The following RILPL2 variants were observed in gnomAD, a reference collection of about 807,000 sequenced individuals.
RILPL2 encodes the protein RILP-like protein 2.
In RILPL2, 19 loss-of-function variants were observed where a neutral mutation model predicts 22.2. The observed-to-expected ratio is 0.86, with a 90% CI of 0.60 to 1.25. The LOEUF (loss-of-function observed/expected upper bound fraction) is 1.25, where lower values mean the gene tolerates loss of function less well. RILPL2 is among the 50% of genes most tolerant of loss of function. RILPL2 has a pLI of 0.00. For missense variants in RILPL2, 243 were observed against 263.6 expected, an observed-to-expected ratio of 0.92 and a Z score of 0.54; for synonymous variants, 123 against 111.6, an observed-to-expected ratio of 1.10 and a Z score of -0.64.
intron 1 of RILPL2, among the ~76,000 whole-genome samples, chr12:123,431,471 T>C (rs1879647490): frequency 6.6e-6 from 1 of 151,948 alleles, no homozygotes; most frequent in Non-Finnish European, 1.5e-5. Flanking sequence ...TGGAGACGGA[T>C]GGTGGTGATG....
rs769313653 is a variant in RILPL2, at chr12:123,415,913, A to G, written c.614T>C (p.Phe205Ser). The G allele has an allele frequency of 6.2e-6, 10 of 1,614,144 alleles. No homozygotes were observed. The South Asian group carries it at 1.1e-4, about 18-fold the overall frequency. Residue 205 changes from phenylalanine (F) to serine (S), a missense_variant, in exon 4 of 4, where the codon TTT becomes TCT. Phe to Ser is a radical substitution (Grantham distance 155). Transcript: ENST00000280571. ...GATCTAGGTCTGTTTCCCCGATCGA[A>G]AAAAGAACCTGGTGTGGAGAGAGAG... ...EKTIIKKLFF[F>S]RSGKQT
At chr12:123,423,001 G>A in intron 3 of RILPL2, 43 bp downstream of exon 3, 3 of 1,402,862 alleles carry the variant, frequency 2.1e-6, no homozygotes, top group South Asian at 1.2e-5. Context: ...ACTTCCTTGA[G>A]TTATTATTTG....
the RILPL2 span, among the ~76,000 whole-genome samples, chr12:123,409,638 C>T: frequency 3.3e-5 from 5 of 151,128 alleles, no homozygotes; most frequent in African/African-American, 1.2e-4. Context: ...CAACCTCCAC[C>T]TCCTTGGTTC....
intron 3 of RILPL2, among the ~76,000 whole-genome samples, chr12:123,421,370 T>C (rs187790305): frequency 1.3e-4 from 20 of 152,228 alleles, no homozygotes; most frequent in Middle Eastern, 3.4e-3. Context: ...TGGGGAATTA[T>C]CTTTCCCTTT....
At chr12:123,409,385 TTGAC>T in the RILPL2 span, 4 of 152,548 alleles carry the variant, frequency 2.6e-5, no homozygotes, top group Admixed American at 1.3e-4. Context: ...TTTTTACAAT[TTGAC>T]TGTGTCACAC....
downstream of RILPL2, chr12:123,412,760 A>G (rs996047700): frequency 6.6e-6 from 1 of 152,232 alleles, no homozygotes; most frequent in African/African-American, 2.4e-5. Context: ...CGAGGCATAC[A>G]GTAAATTATT....
At position 123,423,056 on chromosome 12, in the gene RILPL2, A is replaced by AT; in HGVS notation, c.592dup (p.Ile198AsnfsTer26). On this transcript the variant is annotated frameshift_variant, in exon 3 of 4. Coordinates refer to ENST00000280571, the MANE Select transcript of RILPL2 (RefSeq NM_145058.3). LOFTEE classifies it high-confidence loss of function. ...AGGTGACACTTACAGCTTTTTTATG[A>AT]TTGTCTTCTCCTCCTTGTTCCTGCC... 1 of 1,611,262 alleles carries AT rather than the reference A, an allele frequency of 6.2e-7. No individual in the cohort carries two copies. Among genetic ancestry groups the AT allele is most frequent in the Non-Finnish European group, 8.5e-7 (1 of 1,178,408 alleles).
chr12:123,430,683 G>A (rs751323132), intron 1 of RILPL2, 24 bp from the exon 2 acceptor site: 4 of 1,542,724 alleles, frequency 2.6e-6, no homozygotes, highest in East Asian at 2.4e-5. Flanking sequence ...CGCAACCTTT[G>A]CAAGCAACTC....
At chr12:123,425,654 CTT>C (rs531039648) in intron 2 of RILPL2, among the ~76,000 whole-genome samples, 14 of 141,632 alleles carry the variant, frequency 9.9e-5, no homozygotes, top group Admixed American at 1.4e-4. Flanking sequence ...TTAATATCTA[CTT>C]TTTTTTTTTT....
At position 123,419,216 on chromosome 12, in the gene RILPL2, TAGCCAGGATGGTC is replaced by T. The variant is rs1299984079; in HGVS notation, c.606-3308_606-3296del. 3.1e-4 allele frequency among the ~76,000 whole-genome samples: 46 copies of T among 149,982 alleles called. No homozygotes were observed. The South Asian group carries it at 4.5e-3, about 15-fold the overall frequency. On this transcript the variant is annotated intron_variant, in intron 3 of 3. Coordinates refer to ENST00000280571, the MANE Select transcript of RILPL2 (RefSeq NM_145058.3). ...TAGTGGAGATGGGGTTTCACCATGT[TAGCCAGGATGGTC>T]AGCCAGGATGGTCTCCATATCCTGA... is the stretch of plus-strand genomic sequence containing the variant.
At chr12:123,422,261 G>A (rs1020986998) in intron 3 of RILPL2, among the ~76,000 whole-genome samples, 2 of 151,564 alleles carry the variant, frequency 1.3e-5, no homozygotes, top group African/African-American at 2.4e-5. Flanking sequence ...AGTGGCTCAT[G>A]CCTGTAATCC....
intron 3 of RILPL2, 109 bp downstream of exon 3, chr12:123,422,935 A>C: frequency 2.7e-6 from 2 of 732,930 alleles, no homozygotes; most frequent in South Asian, 3.3e-5. Context: ...CACAACCGGG[A>C]GAGTAGAGGC....
intron 1 of RILPL2, among the ~76,000 whole-genome samples, chr12:123,432,095 C>T (rs1011873922): frequency 6.6e-5 from 10 of 151,762 alleles, no homozygotes; most frequent in Non-Finnish European, 8.8e-5. Context: ...AGGGTTTCAC[C>T]ATGTTGGCCA....
At chr12:123,428,159 T>C (rs1354761201) in intron 2 of RILPL2, among the ~76,000 whole-genome samples, 1 of 152,106 alleles carries the variant, frequency 6.6e-6, no homozygotes, top group African/African-American at 2.4e-5. Flanking sequence ...TTTTCTGAGA[T>C]GGAGTCTCGC....
Position 123,436,397 on chromosome 12 carries a change from T to A in RILPL2, c.24A>T (p.Glu8Asp). 6.5e-7 allele frequency: 1 copy of A among 1,550,302 alleles called. No individual in the cohort carries two copies. The highest frequency in any genetic ancestry group is 8.7e-7 in the Non-Finnish European group (1 of 1,147,188). MEEPPVR[E>D]EEEEEGEEDE... The stretch of plus-strand genomic sequence containing the variant: ...CCTCCTCTCCCTCCTCCTCTTCCTC[T>A]TCTCGCACAGGGGGCTCCTCCATGG... Residue 8 changes from glutamate (E) to aspartate (D), a missense_variant, in exon 1 of 4, where the codon GAA becomes GAT. Glu to Asp is a conservative substitution (Grantham distance 45, BLOSUM62 2). Transcript: ENST00000280571. This position sits in a 1 kb window ranked among gnomAD's most constrained non-coding sequence, Gnocchi z 6.7.
intron 3 of RILPL2, among the ~76,000 whole-genome samples, chr12:123,417,296 C>T (rs1879144998): frequency 6.8e-6 from 1 of 146,390 alleles, no homozygotes; most frequent in Non-Finnish European, 1.5e-5. Flanking sequence ...GAGACCCCAT[C>T]TCAAAAAAAA....
Position 123,415,922 on chromosome 12 carries a change from C to T in RILPL2, c.606-1G>A, listed in dbSNP as rs1879104435. On this transcript the variant is annotated splice_acceptor_variant, in intron 3 of 3. Transcript: ENST00000280571. LOFTEE classifies it high-confidence loss of function. ...CTGTTTCCCCGATCGAAAAAAGAAC[C>T]TGGTGTGGAGAGAGAGAGGGTTCAG... is the stretch of plus-strand genomic sequence containing the variant. 2 of 1,614,116 alleles carry T rather than the reference C, an allele frequency of 1.2e-6. No homozygotes were observed. The highest frequency in any genetic ancestry group is 1.3e-5 in the African/African-American group (1 of 75,024).
downstream of RILPL2, among the ~76,000 whole-genome samples, chr12:123,410,247 T>C (rs541940564): frequency 6.6e-6 from 1 of 152,154 alleles, no homozygotes; most frequent in South Asian, 2.1e-4. Context: ...TTACTAGACT[T>C]GATGATTCTC....
At chr12:123,421,847 T>C (rs754906597) in intron 3 of RILPL2, among the ~76,000 whole-genome samples, 8 of 151,872 alleles carry the variant, frequency 5.3e-5, no homozygotes, top group Non-Finnish European at 1.2e-4. Flanking sequence ...TTTGGATTTT[T>C]AGTAGAGACG....
Sources: allele counts gnomAD v4.1 joint callset (sites outside exome capture counted in the v4.1 genomes callset), GRCh38; gene constraint gnomAD v4.1.1; non-coding constraint Gnocchi (gnomAD v3.1); transcripts MANE v1.5; gene names NCBI Gene and HGNC (gene_info 2026-07-23, HGNC 2026-07-21).